The following CRACDL variants were observed in gnomAD, a reference collection of about 807,000 sequenced individuals.
The protein encoded by CRACDL is CRACD like, also known as CRACD-like protein.
CRACDL carries 26 observed loss-of-function variants against 70.6 expected under a neutral mutation model. The observed-to-expected ratio is 0.37, with a 90% confidence interval of 0.27 to 0.51. The LOEUF (loss-of-function observed/expected upper bound fraction) is 0.51. Among genes scored for constraint, CRACDL ranks in the 20% least tolerant of loss-of-function variants. The pLI, the probability that CRACDL is intolerant of heterozygous loss-of-function variation, is 0.94. For missense variants in CRACDL, 1,283 were observed against 1,376.9 expected (o/e 0.93, Z 1.08); for synonymous variants, 618 against 615.2 (o/e 1.00, Z -0.07).
At chr2:98,805,788 C>G (rs1213694532) in intron 7 of CRACDL, among the ~76,000 whole-genome samples, 2 of 152,222 alleles carry the variant, frequency 1.3e-5, no homozygotes, top group Non-Finnish European at 2.9e-5. Flanking sequence ...GGAGGCACTG[C>G]CAAGGGCTCC....
chr2:98,850,891 T>G (rs773260371), intron 1 of CRACDL, among the ~76,000 whole-genome samples: 15 of 152,216 alleles, frequency 9.9e-5, no homozygotes, highest in Non-Finnish European at 1.9e-4. Flanking sequence ...AGTCTCAGCT[T>G]CTATAGAAAT....
intron 1 of CRACDL, among the ~76,000 whole-genome samples, chr2:98,926,992 G>A (rs1708923257): frequency 6.6e-6 from 1 of 152,204 alleles, no homozygotes; most frequent in Admixed American, 6.5e-5. Flanking sequence ...TTGTATGCAA[G>A]GTAAATCTGC....
At chr2:98,905,182 G>A (rs1412893082) in intron 1 of CRACDL, among the ~76,000 whole-genome samples, 6 of 149,782 alleles carry the variant, frequency 4.0e-5, no homozygotes, top group African/African-American at 7.4e-5. Context: ...CCCGGGAGGC[G>A]GAGCTTGCAG....
chr2:98,911,312 T>A (rs560665325), intron 1 of CRACDL, among the ~76,000 whole-genome samples: 1 of 152,174 alleles, frequency 6.6e-6, no homozygotes, highest in Admixed American at 6.5e-5. Flanking sequence ...TTTCTCCAGA[T>A]GTGTGAGACC....
intron 1 of CRACDL, among the ~76,000 whole-genome samples, chr2:98,857,626 T>C (rs937753929): frequency 6.6e-6 from 1 of 152,012 alleles, no homozygotes; most frequent in African/African-American, 2.4e-5. Flanking sequence ...AGGGAAGTAG[T>C]AAAGAAGTCA....
chr2:98,867,780 G>T (rs1417980142), intron 1 of CRACDL, among the ~76,000 whole-genome samples: 1 of 152,166 alleles, frequency 6.6e-6, no homozygotes, highest in African/African-American at 2.4e-5. Flanking sequence ...ACAGGACACC[G>T]AAGCCCTGGG....
At chr2:98,923,744 T>C (rs573593638) in intron 1 of CRACDL, among the ~76,000 whole-genome samples, 6 of 152,340 alleles carry the variant, frequency 3.9e-5, no homozygotes, top group Admixed American at 1.3e-4. Flanking sequence ...TTTGCTGATA[T>C]GCATTTTTCC....
chr2:98,802,663 T>C (rs889292185), intron 7 of CRACDL, among the ~76,000 whole-genome samples: 3 of 152,254 alleles, frequency 2.0e-5, no homozygotes, highest in Non-Finnish European at 2.9e-5. Context: ...ATTGTTTTTT[T>C]CTTTCAGAAG....
At chr2:98,909,571 G>A (rs1002795169) in intron 1 of CRACDL, among the ~76,000 whole-genome samples, 1 of 152,170 alleles carries the variant, frequency 6.6e-6, no homozygotes, top group African/African-American at 2.4e-5. Context: ...GCTGCAGGAC[G>A]CGAGCAAACA....
At position 98,797,462 on chromosome 2, in the gene CRACDL, C is replaced by A. The variant is rs768252754; in HGVS notation, c.2492G>T (p.Arg831Leu). ...GTCCAAGGTCCCCCTCCGCTTCTGC[C>A]GAGTGACGGTGATCCAGGGTGGCGC... ...QPAPPWITVTRQKRRGTLDQP... is the reference protein window; with the variant it reads ...QPAPPWITVTLQKRRGTLDQP... Residue 831 changes from arginine (R) to leucine (L), a missense_variant, in exon 8 of 10, where the codon CGG becomes CTG. Transcript: ENST00000397899. 2.5e-6 allele frequency: 4 copies of A among 1,614,090 alleles called. No individual in the cohort carries two copies. The African/African-American group carries it at 4.0e-5, about 16-fold the overall frequency.
intron 1 of CRACDL, among the ~76,000 whole-genome samples, chr2:98,888,822 A>T (rs932598039): frequency 1.3e-5 from 2 of 152,210 alleles, no homozygotes; most frequent in Admixed American, 6.5e-5. Context: ...AATGGAAAAA[A>T]ATATATACTA....
At chr2:98,799,933 C>G (rs569770236) in intron 7 of CRACDL, among the ~76,000 whole-genome samples, 23 of 152,300 alleles carry the variant, frequency 1.5e-4, no homozygotes, top group African/African-American at 4.1e-4. Flanking sequence ...CCTGGAACTC[C>G]TGCTTGCTCC....
chr2:98,849,654 G>A (rs963279390), intron 1 of CRACDL, among the ~76,000 whole-genome samples: 2 of 151,950 alleles, frequency 1.3e-5, no homozygotes, highest in African/African-American at 4.8e-5. Flanking sequence ...GATGCAGACA[G>A]CACCCCCAGA....
At chr2:98,895,841 G>A (rs1333132315) in intron 1 of CRACDL, among the ~76,000 whole-genome samples, 3 of 152,108 alleles carry the variant, frequency 2.0e-5, no homozygotes, top group African/African-American at 7.2e-5. Context: ...GGCTCTGAGA[G>A]GTGATTAGGT....
chr2:98,928,141 C>G (rs1195781091), intron 1 of CRACDL, among the ~76,000 whole-genome samples: 1 of 151,378 alleles, frequency 6.6e-6, no homozygotes, highest in Non-Finnish European at 1.5e-5. Flanking sequence ...TCAGAAATGG[C>G]GCCACTGCAT....
chr2:98,926,846 C>A (rs1193277313), intron 1 of CRACDL, among the ~76,000 whole-genome samples: 1 of 152,214 alleles, frequency 6.6e-6, no homozygotes, highest in Admixed American at 6.5e-5. Context: ...TCGGTATTGA[C>A]TCAACACGGC....
At chr2:98,876,678 A>G (rs1707495784) in intron 1 of CRACDL, among the ~76,000 whole-genome samples, 1 of 152,164 alleles carries the variant, frequency 6.6e-6, no homozygotes, top group South Asian at 2.1e-4. Context: ...AAGATTGGGG[A>G]CTGCTGCTCT....
intron 1 of CRACDL, among the ~76,000 whole-genome samples, chr2:98,865,798 CTTTT>C (rs1157009185): frequency 1.5e-5 from 2 of 134,396 alleles, no homozygotes; most frequent in South Asian, 2.4e-4. Flanking sequence ...GGACTTTCTG[CTTTT>C]TTTTTTTTTT....
Position 98,866,472 on chromosome 2 carries a change from CTTCTTTTT to C in CRACDL, c.-10-19670_-10-19663del, listed in dbSNP as rs1297615237. Among the ~76,000 whole-genome samples the C allele has an allele frequency of 1.1e-3, 120 of 107,792 alleles. 2 individuals are homozygous for C. The highest frequency in any genetic ancestry group is 1.8e-3 in the Admixed American group (16 of 9,088). 70.7% of individuals were successfully genotyped at this position (107,792 alleles called of 152,430 possible). A position where few individuals can be genotyped will look rare whatever the true frequency, so the allele number is the denominator to read the frequency against. On this transcript the variant is annotated intron_variant, in intron 1 of 9. Coordinates refer to ENST00000397899, the MANE Select transcript of CRACDL (RefSeq NM_207362.3). Reference sequence around the variant, plus strand: ...CACCTGATAGATGAAACAATCACTTCTTCTTTTTTTTTTTTTTTTTTTTTTTTTTTTTG... The same window carrying C: ...CACCTGATAGATGAAACAATCACTTCTTTTTTTTTTTTTTTTTTTTTTTTG...
Sources: allele counts gnomAD v4.1 joint callset (sites outside exome capture counted in the v4.1 genomes callset), GRCh38; gene constraint gnomAD v4.1.1; transcripts MANE v1.5; gene names NCBI Gene and HGNC (gene_info 2026-07-23, HGNC 2026-07-21).